The following SPHK2 variants were observed in gnomAD, a reference collection of about 807,000 sequenced individuals.
SPHK2 encodes the protein sphingosine kinase 2.
SPHK2 carries 18 observed loss-of-function variants against 32.3 expected under a neutral mutation model. The ratio of observed to expected loss-of-function variants is 0.56; its 90% CI spans 0.39 to 0.83. The LOEUF is 0.83. SPHK2 is among the 40% of genes least tolerant of loss of function. SPHK2 has a pLI of 0.00. For missense variants in SPHK2, 850 were observed against 908.7 expected (o/e 0.94, Z 0.83); for synonymous variants, 462 against 417.6 (o/e 1.11, Z -1.30).
Position 48,629,547 on chromosome 19 carries a change from T to C in SPHK2, c.1739T>C (p.Leu580Pro), listed in dbSNP as rs1427201838. 2 of 1,603,522 alleles carry C rather than the reference T, an allele frequency of 1.2e-6. No homozygotes were observed. Among genetic ancestry groups the C allele is most frequent in the Non-Finnish European group, 1.7e-6 (2 of 1,176,048 alleles). Reference protein sequence around the residue: ...WVRSGISRAALLRLFLAMERG... With the variant: ...WVRSGISRAAPLRLFLAMERG... Reference sequence around the variant, plus strand: ...CGTAGCGGCATCTCGCGGGCTGCGCTGCTGCGCCTTTTCTTGGCCATGGAG... The same window carrying C: ...CGTAGCGGCATCTCGCGGGCTGCGCCGCTGCGCCTTTTCTTGGCCATGGAG... The change falls in exon 7 of 7, where the codon CTG (leucine) becomes CCG (proline). Residue 580 changes from leucine to proline, a missense_variant. Physicochemically the swap from Leu to Pro is moderately conservative, Grantham distance 98. This residue lies in a region of SPHK2 where 306 missense variants were observed against 268.6 expected (regional missense o/e 1.14). Coordinates refer to ENST00000245222, the MANE Select transcript of SPHK2 (RefSeq NM_020126.5).
At position 48,629,620 on chromosome 19, in the gene SPHK2, G is replaced by A. The variant is rs1344040101; in HGVS notation, c.1812G>A (p.Ala604=). Residue 604 remains alanine (A), a synonymous_variant, in exon 7 of 7, where the codon GCG becomes GCA. Coordinates refer to ENST00000245222, the MANE Select transcript of SPHK2 (RefSeq NM_020126.5). ...SLGCPQLGYA[A]ARAFRLEPLT... ...GCTGTCCGCAGCTGGGCTACGCCGC[G>A]GCCCGTGCCTTCCGCCTAGAGCCGC... 1.3e-6 allele frequency: 2 copies of A among 1,599,416 alleles called. No individual in the cohort carries two copies. The highest frequency in any genetic ancestry group is 1.7e-6 in the Non-Finnish European group (2 of 1,173,660).
rs774845592 is a variant in SPHK2, at chr19:48,629,404, G to C, written c.1596G>C (p.Val532=). 2 of 1,611,598 alleles carry C rather than the reference G, an allele frequency of 1.2e-6. No homozygotes were observed. The highest frequency in any genetic ancestry group is 1.7e-6 in the Non-Finnish European group (2 of 1,179,478). Reference sequence around the variant, plus strand: ...GCACCCCGCTGCCCCCAGACTGGGTGACGCTGGAGGGGGACTTTGTGCTCA... The same window carrying C: ...GCACCCCGCTGCCCCCAGACTGGGTCACGCTGGAGGGGGACTTTGTGCTCA... ...PLGTPLPPDW[V]TLEGDFVLML... Residue 532 remains valine, a synonymous_variant, in exon 7 of 7, where the codon GTG becomes GTC. Transcript: ENST00000245222.
chr19:48,622,270 A>T (rs1441122963), intron 2 of SPHK2, among the ~76,000 whole-genome samples: 1 of 145,780 alleles, frequency 6.9e-6, no homozygotes, highest in Admixed American at 6.7e-5. Flanking sequence ...AAAAAAAAAA[A>T]AATAAAAAAA....
Position 48,630,094 on chromosome 19 carries a change from C to G in SPHK2, c.*321C>G. 6.3e-6 allele frequency: 8 copies of G among 1,272,982 alleles called. No individual in the cohort carries two copies. The highest frequency in any genetic ancestry group is 6.9e-6 in the Non-Finnish European group (7 of 1,008,968). 78.9% of individuals were successfully genotyped at this position (1,272,982 alleles called of 1,614,324 possible). ...CCTACCCGGCCAGGATGGCTGAGGG[C>G]GGAGTCTATTTTACGCGTCGCCCAA... On this transcript the variant is annotated 3_prime_UTR_variant, in exon 7 of 7. Transcript: ENST00000245222. The surrounding 1 kb of genome is among the most constrained non-coding windows in gnomAD (Gnocchi z 4.9).
chr19:48,626,813 TC>T (rs71335811), intron 3 of SPHK2: 3,128 of 67,806 alleles, frequency 0.046, 413 homozygotes, highest in African/African-American at 0.093. Flanking sequence ...AAACTCTGTC[TC>T]CAAAAAAAAA....
Position 48,628,918 on chromosome 19 carries a change from C to T in SPHK2, c.1110C>T (p.His370=). 6.2e-7 allele frequency: 1 copy of T among 1,613,482 alleles called. No homozygotes were observed. The highest frequency in any genetic ancestry group is 8.5e-7 in the Non-Finnish European group (1 of 1,180,010). ...CGGTGCTGGGCCTCGCCACACTGCA[C>T]ACCTACCGCGGACGCCTCTCCTACC... ...LGTVLGLATL[H]TYRGRLSYLP... Residue 370 remains histidine (H), a synonymous_variant, in exon 7 of 7, where the codon CAC becomes CAT. Coordinates refer to ENST00000245222, the MANE Select transcript of SPHK2 (RefSeq NM_020126.5). This position sits in a 1 kb window ranked among gnomAD's most constrained non-coding sequence, Gnocchi z 5.2.
chr19:48,629,604 A>G lies in SPHK2; in HGVS notation c.1796A>G (p.Gln599Arg). The G allele has an allele frequency of 6.3e-7, 1 of 1,599,728 alleles. No homozygotes were observed. Among genetic ancestry groups the G allele is most frequent in the Non-Finnish European group, 8.5e-7 (1 of 1,173,578 alleles). Reference sequence around the variant, plus strand: ...AGCCACTTCAGCCTGGGCTGTCCGCAGCTGGGCTACGCCGCGGCCCGTGCC... The same window carrying G: ...AGCCACTTCAGCCTGGGCTGTCCGCGGCTGGGCTACGCCGCGGCCCGTGCC... Reference protein sequence around the residue: ...RGSHFSLGCPQLGYAAARAFR... With the variant: ...RGSHFSLGCPRLGYAAARAFR... The change falls in exon 7 of 7, where the codon CAG (glutamine) becomes CGG (arginine). Residue 599 changes from glutamine to arginine, a missense_variant. Transcript: ENST00000245222.
In SPHK2 at chr19:48,622,757, C is replaced by CTTT. The variant is rs779108312; in HGVS notation, c.39+2228_39+2230dup. Among the ~76,000 whole-genome samples the CTTT allele has an allele frequency of 7.4e-4, 80 of 108,538 alleles. 1 individual carries two copies. Among genetic ancestry groups the CTTT allele is most frequent in the East Asian group, 1.4e-3 (5 of 3,592 alleles). The allele number at this position is 108,538 out of a possible 152,430, so 71.2% of individuals were successfully genotyped here. A position where few individuals can be genotyped will look rare whatever the true frequency, so the allele number is the denominator to read the frequency against. On this transcript the variant is annotated intron_variant, in intron 2 of 6. Transcript: ENST00000245222. ...CAAACTTCTTCCTACATTTGTCTCT[C>CTTT]TTTTTTTTTTTTTTTTTTTTTTTTT...
Position 48,628,621 on chromosome 19 carries a change from CTT to C in SPHK2, c.873-58_873-57del, listed in dbSNP as rs1043257199. The C allele has an allele frequency of 1.3e-6, 2 of 1,584,030 alleles. No homozygotes were observed. The highest frequency in any genetic ancestry group is 1.7e-6 in the Non-Finnish European group (2 of 1,167,656). On this transcript the variant is annotated intron_variant, in intron 6 of 6. Transcript: ENST00000245222. This position sits in a 1 kb window ranked among gnomAD's most constrained non-coding sequence, Gnocchi z 5.2. ...TTGCCAGCTGCTTTCCTACCTGTCT[CTT>C]TCCCCAACCCCTGTTTGCTCCTTCC...
intron 4 of SPHK2, 21 bp from the exon 5 acceptor site, chr19:48,627,954 C>T (rs777507936): frequency 4.5e-6 from 7 of 1,569,330 alleles, no homozygotes; most frequent in Non-Finnish European, 6.1e-6. Flanking sequence ...GCCTGCCTAA[C>T]AGCCCGGTAT....
rs780320518 is a variant in SPHK2 at position 48,628,887 on chromosome 19, T to C, written c.1079T>C (p.Leu360Pro). Residue 360 changes from leucine to proline, a missense_variant, in exon 7 of 7, where the codon CTG becomes CCG. Physicochemically the swap from Leu to Pro is moderately conservative, Grantham distance 98. Transcript: ENST00000245222. This position sits in a 1 kb window ranked among gnomAD's most constrained non-coding sequence, Gnocchi z 5.2. ...GCCTTGGGCAGTGCCCGCTTCACACTGGGCACGGTGCTGGGCCTCGCCACA... is the reference window on the plus strand; with the variant it reads ...GCCTTGGGCAGTGCCCGCTTCACACCGGGCACGGTGCTGGGCCTCGCCACA... The part of the protein sequence containing the change: ...FRALGSARFT[L>P]GTVLGLATLH... 1 of 1,613,694 alleles carries C rather than the reference T, an allele frequency of 6.2e-7. No individual in the cohort carries two copies.
chr19:48,630,315 C>A lies in SPHK2; in HGVS notation c.*542C>A, dbSNP rs577447241. ...CGGGTGGGGGCGGGGAAATTCATAT[C>A]CCCTGTTCGTCTCATGCGCGTCCTC... On this transcript the variant is annotated 3_prime_UTR_variant, in exon 7 of 7. Transcript: ENST00000245222. The surrounding 1 kb of genome is among the most constrained non-coding windows in gnomAD (Gnocchi z 4.9). The A allele has an allele frequency of 7.9e-5, 103 of 1,302,180 alleles. 1 individual carries two copies. The South Asian group carries it at 2.2e-3, about 28-fold the overall frequency. The allele number at this position is 1,302,180 out of a possible 1,614,324, so 80.7% of individuals were successfully genotyped here. A position where few individuals can be genotyped will look rare whatever the true frequency, so the allele number is the denominator to read the frequency against.
Position 48,625,265 on chromosome 19 carries a change from T to G in SPHK2, c.40-626T>G. 3.7e-6 allele frequency: 4 copies of G among 1,088,710 alleles called. No individual in the cohort carries two copies. In the South Asian group the frequency reaches 9.0e-5, roughly 25 times the overall value. 67.4% of individuals were successfully genotyped at this position (1,088,710 alleles called of 1,614,324 possible). On this transcript the variant is annotated intron_variant, in intron 2 of 6. Coordinates refer to ENST00000245222, the MANE Select transcript of SPHK2 (RefSeq NM_020126.5). ...TCGTTGGGGTGAAAAAGTCTTACTCTCTTAAGTATCTTTCATCGCCTGAGT... is the reference window on the plus strand; with the variant it reads ...TCGTTGGGGTGAAAAAGTCTTACTCGCTTAAGTATCTTTCATCGCCTGAGT...
intron 2 of SPHK2, chr19:48,624,176 G>C (rs1436415189): frequency 1.3e-5 from 2 of 152,280 alleles, no homozygotes; most frequent in Non-Finnish European, 2.9e-5. Flanking sequence ...TCTCCGCTGC[G>C]CGTCGGCCCT....
At chr19:48,620,678 C>G in intron 2 of SPHK2, 125 bp downstream of exon 2, 2 of 799,958 alleles carry the variant, frequency 2.5e-6, no homozygotes, top group Non-Finnish European at 2.0e-6. Flanking sequence ...AATCCCAGCA[C>G]TCTGGGAGGC....
In SPHK2 at chr19:48,629,070, C is replaced by G; in HGVS notation, c.1262C>G (p.Ser421Cys). 1 of 1,613,256 alleles carries G rather than the reference C, an allele frequency of 6.2e-7. No homozygotes were observed. Among genetic ancestry groups the G allele is most frequent in the Middle Eastern group, 1.6e-4 (1 of 6,062 alleles). ...CACTCACCCCTGCATCGTTCTGTGT[C>G]TGACCTGCCTCTTCCCCTGCCCCAG... ...MAHSPLHRSVSDLPLPLPQPA... is the reference protein window; with the variant it reads ...MAHSPLHRSVCDLPLPLPQPA... The change falls in exon 7 of 7, where the codon TCT (serine) becomes TGT (cysteine). Residue 421 changes from serine (S) to cysteine (C), a missense_variant. Physicochemically the swap from Ser to Cys is moderately radical, Grantham distance 112 (BLOSUM62 -1). Coordinates refer to ENST00000245222, the MANE Select transcript of SPHK2 (RefSeq NM_020126.5).
In SPHK2 at chr19:48,628,512, G is replaced by C; in HGVS notation, c.873-169G>C. 1.1e-6 allele frequency: 1 copy of C among 904,756 alleles called. No individual in the cohort carries two copies. Among genetic ancestry groups the C allele is most frequent in the East Asian group, 2.6e-5 (1 of 39,040 alleles). 56.0% of individuals were successfully genotyped at this position (904,756 alleles called of 1,614,324 possible). On this transcript the variant is annotated intron_variant, in intron 6 of 6. Transcript: ENST00000245222. The surrounding 1 kb of genome is among the most constrained non-coding windows in gnomAD (Gnocchi z 5.2). ...GAATTGTAGGGAGCAAATGAAAGAT[G>C]ACCAGGAACCTGGCCCCGTAAGGAG...
chr19:48,626,185 G>A lies in SPHK2; in HGVS notation c.334G>A (p.Ala112Thr). Residue 112 changes from alanine to threonine, a missense_variant, in exon 3 of 7, where the codon GCG becomes ACG. Coordinates refer to ENST00000245222, the MANE Select transcript of SPHK2 (RefSeq NM_020126.5). ...TLRSRSPSDS[A>T]AYFCIYTYPR... The stretch of plus-strand genomic sequence containing the variant: ...GCGAAGCCGCAGCCCCTCAGACTCA[G>A]CGGCCTACTTCTGCATCTACACCTA... 1 of 1,594,168 alleles carries A rather than the reference G, an allele frequency of 6.3e-7. No homozygotes were observed.
chr19:48,629,170 T>C lies in SPHK2; in HGVS notation c.1362T>C (p.Ala454=). 1.2e-6 allele frequency: 2 copies of C among 1,613,360 alleles called. No individual in the cohort carries two copies. Among genetic ancestry groups the C allele is most frequent in the Non-Finnish European group, 1.7e-6 (2 of 1,179,934 alleles). The change falls in exon 7 of 7, where the codon GCT becomes GCC. Residue 454 remains alanine (A), a synonymous_variant. Transcript: ENST00000245222. ...LSLNGGGPEL[A]GDWGGAGDAP... ...TCAACGGTGGGGGCCCAGAGCTGGC[T>C]GGGGACTGGGGTGGGGCTGGGGATG...
Sources: gnomAD v4.1 joint callset for allele counts (sites outside exome capture counted in the v4.1 genomes callset) on GRCh38, gnomAD v4.1.1 for gene constraint, gnomAD v4.1.1 regional missense constraint, Gnocchi (gnomAD v3.1) non-coding constraint, MANE v1.5 for transcripts, NCBI Gene and HGNC (gene_info 2026-07-23, HGNC 2026-07-21) for gene names.